Variants in RADIL observed in about 807,000 individuals in gnomAD.
RADIL encodes the protein ras-associating and dilute domain-containing protein.
A neutral mutation model predicts 97.6 loss-of-function variants in RADIL; 99 were observed. The observed-to-expected ratio is 1.01, with a 90% CI of 0.86 to 1.20. The LOEUF is 1.20. Ranked by LOEUF, RADIL falls within the 50% of genes most tolerant of loss-of-function variation. The pLI, the probability that RADIL is intolerant of heterozygous loss-of-function variation, is 0.00. For missense variants in RADIL, 1,765 were observed against 1,498.9 expected, an observed-to-expected ratio of 1.18 and a Z score of -2.93; for synonymous variants, 803 against 691.8, an observed-to-expected ratio of 1.16 and a Z score of -2.52.
In RADIL at chr7:4,809,495, C is replaced by A. The variant is rs1167575362; in HGVS notation, c.2140-3779G>T. ...CCGAGGAACACGCTTGTGTGTCCAG[C>A]CCCCAAAACAAGAACAAGAACGTGG... On this transcript the variant is annotated intron_variant, in intron 9 of 14. Coordinates refer to ENST00000399583, the MANE Select transcript of RADIL (RefSeq NM_018059.5). 3.0e-6 allele frequency: 3 copies of A among 985,224 alleles called. No individual in the cohort carries two copies. The East Asian group carries it at 3.4e-4, about 112-fold the overall frequency. The allele number at this position is 985,224 out of a possible 1,614,324, so 61.0% of individuals were successfully genotyped here.
chr7:4,827,515 G>C (rs1027053085), intron 5 of RADIL, among the ~76,000 whole-genome samples: 26 of 151,804 alleles, frequency 1.7e-4, no homozygotes, highest in Admixed American at 6.6e-4. Context: ...CAAAAAATTA[G>C]CCGGGCGTGG....
intron 2 of RADIL, among the ~76,000 whole-genome samples, chr7:4,852,548 A>G (rs1783733557): frequency 6.6e-6 from 1 of 152,196 alleles, no homozygotes; most frequent in Admixed American, 6.5e-5. Flanking sequence ...TCCTAGGTTC[A>G]AGCAATCCTC....
At chr7:4,809,139 TG>T (rs896832870) in intron 9 of RADIL, 1 of 984,854 alleles carries the variant, frequency 1.0e-6, no homozygotes, top group Non-Finnish European at 1.2e-6. Flanking sequence ...GGCCTCAGCG[TG>T]GGGTGGCCCG....
At position 4,854,743 on chromosome 7, in the gene RADIL, G is replaced by T. The variant is rs369759320; in HGVS notation, c.536-18138C>A. 1.2e-4 allele frequency among the ~76,000 whole-genome samples: 18 copies of T among 152,264 alleles called. No homozygotes were observed. Among genetic ancestry groups the T allele is most frequent in the African/African-American group, 3.9e-4 (16 of 41,550 alleles). ...AAAAGATACCACTTTGGTATTGGTT[G>T]TTTAATTATATTTCACACATATGAA... is the stretch of plus-strand genomic sequence containing the variant. On this transcript the variant is annotated intron_variant, in intron 2 of 14. Coordinates refer to ENST00000399583, the MANE Select transcript of RADIL (RefSeq NM_018059.5). The surrounding 1 kb of genome is among the most constrained non-coding windows in gnomAD (Gnocchi z 5.1).
chr7:4,853,860 A>G lies in RADIL; in HGVS notation c.536-17255T>C, dbSNP rs1252812259. Among the ~76,000 whole-genome samples the G allele has an allele frequency of 3.9e-5, 6 of 152,204 alleles. No individual in the cohort carries two copies. The East Asian group carries it at 1.2e-3, about 29-fold the overall frequency. On this transcript the variant is annotated intron_variant, in intron 2 of 14. Transcript: ENST00000399583. ...AGACTATCATTGCCATTTACTAGAC[A>G]TTCTCTCCTTCCTCTTAATAGCATA...
intron 5 of RADIL, among the ~76,000 whole-genome samples, chr7:4,823,477 T>C (rs1440302529): frequency 6.6e-6 from 1 of 152,076 alleles, no homozygotes; most frequent in East Asian, 1.9e-4. Context: ...GCCCTGATTC[T>C]GTATCCATGG....
rs62450190 is a variant in RADIL, at chr7:4,833,934, G to A, written c.1416+673C>T. On this transcript the variant is annotated intron_variant, in intron 4 of 14. Coordinates refer to ENST00000399583, the MANE Select transcript of RADIL (RefSeq NM_018059.5). ...GGTGTATTGCGTGTGTGTGTGTGGC[G>A]GGGCGGCAGAGGGTGACCGGCATCT... is the stretch of plus-strand genomic sequence containing the variant. 2.6e-5 allele frequency among the ~76,000 whole-genome samples: 4 copies of A among 152,266 alleles called. No homozygotes were observed. The East Asian group carries it at 5.8e-4, about 22-fold the overall frequency.
chr7:4,807,410 G>A (rs77047471), intron 9 of RADIL, among the ~76,000 whole-genome samples: 8,792 of 151,944 alleles, frequency 0.058, 480 homozygotes, highest in Admixed American at 0.12. Context: ...TGCTTGGTCC[G>A]GGACCAGAGG....
At chr7:4,874,967 C>T (rs1417877095) in intron 2 of RADIL, among the ~76,000 whole-genome samples, 11 of 151,740 alleles carry the variant, frequency 7.2e-5, no homozygotes, top group South Asian at 2.1e-4. Flanking sequence ...CCGAGGCGGG[C>T]GGATCACAAG....
At chr7:4,833,380 G>A (rs1029772165) in intron 4 of RADIL, among the ~76,000 whole-genome samples, 3 of 152,162 alleles carry the variant, frequency 2.0e-5, no homozygotes, top group African/African-American at 7.2e-5. Flanking sequence ...CAGTGGCCAC[G>A]ATGTGGACAC....
chr7:4,799,580 T>TGAGCAGGGCATCTGG, intron 14 of RADIL, 50 bp downstream of exon 14: 1 of 1,607,884 alleles, frequency 6.2e-7, no homozygotes, highest in Non-Finnish European at 8.5e-7. Context: ...TCCACTCCCC[T>TGAGCAGGGCATCTGG]GAGCAGGGCA....
At position 4,821,607 on chromosome 7, in the gene RADIL, G is replaced by A. The variant is rs1267360201; in HGVS notation, c.1615+787C>T. ...TGGCCAGGCACGGTGGCTCATGCCT[G>A]TAATCCCAGCACTTTGGGAGGCTGA... is the stretch of plus-strand genomic sequence containing the variant. On this transcript the variant is annotated intron_variant, in intron 6 of 14. Coordinates refer to ENST00000399583, the MANE Select transcript of RADIL (RefSeq NM_018059.5). This position sits in a 1 kb window ranked among gnomAD's most constrained non-coding sequence, Gnocchi z 5.2. 6.6e-6 allele frequency among the ~76,000 whole-genome samples: 1 copy of A among 152,158 alleles called. No individual in the cohort carries two copies. Among genetic ancestry groups the A allele is most frequent in the African/African-American group, 2.4e-5 (1 of 41,432 alleles).
chr7:4,830,662 G>A (rs1783114658), intron 5 of RADIL, among the ~76,000 whole-genome samples: 1 of 152,034 alleles, frequency 6.6e-6, no homozygotes, highest in Non-Finnish European at 1.5e-5. Flanking sequence ...TGGATCACCT[G>A]AGGTCAGGAG....
Position 4,817,794 on chromosome 7 carries a change from G to GGAAGAAAAAGCCCA in RADIL, c.1616-457_1616-444dup, listed in dbSNP as rs978919434. Among the ~76,000 whole-genome samples the GGAAGAAAAAGCCCA allele has an allele frequency of 6.6e-6, 1 of 152,180 alleles. No individual in the cohort carries two copies. The highest frequency in any genetic ancestry group is 1.5e-5 in the Non-Finnish European group (1 of 68,022). ...ACTCTGTGGAATCATAAGTCTTTTGGGAAGAAAAAGCCCAAATCAGCTATT... is the reference window on the plus strand; with the variant it reads ...ACTCTGTGGAATCATAAGTCTTTTGGGAAGAAAAAGCCCAGAAGAAAAAGCCCAAATCAGCTATT... On this transcript the variant is annotated intron_variant, in intron 6 of 14. Transcript: ENST00000399583. The surrounding 1 kb of genome is among the most constrained non-coding windows in gnomAD (Gnocchi z 8.3).
rs1218398419 is a variant in RADIL at position 4,854,694 on chromosome 7, AAAAC to A, written c.536-18093_536-18090del. On this transcript the variant is annotated intron_variant, in intron 2 of 14. Coordinates refer to ENST00000399583, the MANE Select transcript of RADIL (RefSeq NM_018059.5). The surrounding 1 kb of genome is among the most constrained non-coding windows in gnomAD (Gnocchi z 5.1). ...GGGCGACAGAGCGAGACTCCGTATCAAAACAAACAAACAAACAAAAACAAAAAGA... is the reference window on the plus strand; with the variant it reads ...GGGCGACAGAGCGAGACTCCGTATCAAAACAAACAAACAAAAACAAAAAGA... Among the ~76,000 whole-genome samples, 6 of 152,250 alleles carry A rather than the reference AAAAC, an allele frequency of 3.9e-5. No individual in the cohort carries two copies. Among genetic ancestry groups the A allele is most frequent in the South Asian group, 4.1e-4 (2 of 4,834 alleles).
chr7:4,802,157 G>A (rs188279860), intron 11 of RADIL, among the ~76,000 whole-genome samples, 162 bp from the exon 12 acceptor site: 1 of 152,296 alleles, frequency 6.6e-6, no homozygotes, highest in Non-Finnish European at 1.5e-5. Context: ...AGAGGCAAAG[G>A]GGCTTCCCCG....
rs913913801 is a variant in RADIL, at chr7:4,799,769, G to T, written c.2983C>A (p.His995Asn). 3 of 1,526,860 alleles carry T rather than the reference G, an allele frequency of 2.0e-6. No homozygotes were observed. Among genetic ancestry groups the T allele is most frequent in the Non-Finnish European group, 2.6e-6 (3 of 1,142,178 alleles). The allele number at this position is 1,526,860 out of a possible 1,614,324, so 94.6% of individuals were successfully genotyped here. A position where few individuals can be genotyped will look rare whatever the true frequency, so the allele number is the denominator to read the frequency against. ...AGCCCGGGGGCGCCCAGGTGCGTGT[G>T]CTGGGGACAAGCAGAGGCCTCAGAG... ...GLGMGLIDGM[H>N]THLGAPGLYI... Residue 995 changes from histidine (H) to asparagine (N), a missense_variant and splice_region_variant, in exon 14 of 15, where the codon CAC (histidine) becomes AAC (asparagine). Physicochemically the swap from His to Asn is moderately conservative, Grantham distance 68. Coordinates refer to ENST00000399583, the MANE Select transcript of RADIL (RefSeq NM_018059.5).
At chr7:4,833,533 C>T (rs891292518) in intron 4 of RADIL, among the ~76,000 whole-genome samples, 4 of 152,186 alleles carry the variant, frequency 2.6e-5, no homozygotes, top group Non-Finnish European at 4.4e-5. Flanking sequence ...ACCCACGGTG[C>T]ACAGAGACGG....
intron 5 of RADIL, among the ~76,000 whole-genome samples, chr7:4,826,634 G>A (rs1782987197): frequency 6.6e-6 from 1 of 151,696 alleles, no homozygotes; most frequent in Non-Finnish European, 1.5e-5. Flanking sequence ...TCTGGAGGCT[G>A]AGGCATGAGA....
Sources: allele counts gnomAD v4.1 joint callset (sites outside exome capture counted in the v4.1 genomes callset), GRCh38; gene constraint gnomAD v4.1.1; non-coding constraint Gnocchi (gnomAD v3.1); transcripts MANE v1.5; gene names NCBI Gene and HGNC (gene_info 2026-07-23, HGNC 2026-07-21).